The following ARMH4 variants were observed in gnomAD, a reference collection of about 807,000 sequenced individuals.
ARMH4 encodes the protein armadillo-like helical domain-containing protein 4.
In ARMH4, 49 loss-of-function variants were observed where a neutral mutation model predicts 61.9. The ratio of observed to expected loss-of-function variants is 0.79; its 90% CI spans 0.63 to 1.00. The LOEUF (loss-of-function observed/expected upper bound fraction) is 1.00, where lower values mean the gene tolerates loss of function less well. Among genes scored for constraint, ARMH4 ranks in the 50% least tolerant of loss-of-function variants. ARMH4 has a pLI of 0.00. For synonymous variants in ARMH4, 368 were observed against 341.5 expected (o/e 1.08, Z -0.85); for missense variants, 934 against 930.0 (o/e 1.00, Z -0.06).
At chr14:58,090,879 CAAA>C (rs561257563) in intron 5 of ARMH4, among the ~76,000 whole-genome samples, 10 of 59,302 alleles carry the variant, frequency 1.7e-4, no homozygotes, top group Non-Finnish European at 2.7e-4. Flanking sequence ...GACCCTGTCT[CAAA>C]AAAAAAAAAA....
chr14:58,138,873 TTCC>T lies in ARMH4; in HGVS notation c.483_485del (p.Glu162del). 1 of 1,614,160 alleles carries T rather than the reference TTCC, an allele frequency of 6.2e-7. No individual in the cohort carries two copies. The highest frequency in any genetic ancestry group is 8.5e-7 in the Non-Finnish European group (1 of 1,180,034). ...GCTGAAAGTTAGTGCTTGTAAGGAG[TTCC>T]TCCTTTTCATCAACAGTCAGAGAAG... is the stretch of plus-strand genomic sequence containing the variant. On this transcript the variant is annotated inframe_deletion, in exon 2 of 8. Transcript: ENST00000267485.
chr14:58,015,448 T>A (rs1882575778), intron 5 of ARMH4, among the ~76,000 whole-genome samples: 1 of 152,146 alleles, frequency 6.6e-6, no homozygotes, highest in Non-Finnish European at 1.5e-5. Flanking sequence ...TCTAAGAACA[T>A]GAGACCCCGG....
intron 5 of ARMH4, among the ~76,000 whole-genome samples, chr14:58,090,958 G>GTGGGAGC (rs1401486240): frequency 6.6e-6 from 1 of 151,786 alleles, no homozygotes; most frequent in Non-Finnish European, 1.5e-5. Flanking sequence ...GCTCATGCCT[G>GTGGGAGC]TAATCCCAGC....
intron 2 of ARMH4, 59 bp from the exon 3 acceptor site, chr14:58,133,400 A>T (rs1278559725): frequency 6.6e-7 from 1 of 1,515,786 alleles, no homozygotes; most frequent in Non-Finnish European, 8.8e-7. Flanking sequence ...AAAAAAAAAA[A>T]ATCATGATAT....
At chr14:58,111,261 T>C (rs1886344171) in intron 4 of ARMH4, among the ~76,000 whole-genome samples, 1 of 152,148 alleles carries the variant, frequency 6.6e-6, no homozygotes, top group African/African-American at 2.4e-5. Flanking sequence ...GCTGTTTTAG[T>C]ATTCAAAAAC....
intron 1 of ARMH4, among the ~76,000 whole-genome samples, chr14:58,140,639 ACCTGAAATC>A (rs907837653): frequency 3.3e-5 from 5 of 151,742 alleles, no homozygotes; most frequent in Non-Finnish European, 7.4e-5. Flanking sequence ...AGTGGCTCAC[ACCTGAAATC>A]CCAGCACTTT....
chr14:58,124,519 T>C (rs1231335037), intron 4 of ARMH4, among the ~76,000 whole-genome samples: 1 of 152,200 alleles, frequency 6.6e-6, no homozygotes, highest in Admixed American at 6.5e-5. Flanking sequence ...GCATACTGAC[T>C]GCTAAAGGAG....
In ARMH4 at chr14:58,138,472, A is replaced by C; in HGVS notation, c.887T>G (p.Val296Gly). The C allele has an allele frequency of 6.2e-7, 1 of 1,614,192 alleles. No individual in the cohort carries two copies. Among genetic ancestry groups the C allele is most frequent in the Non-Finnish European group, 8.5e-7 (1 of 1,180,028 alleles). ...AACAGCTGTGCTGACACTCACTGTG[A>C]CTTCTGGGGCTCCCAGCAGACTATC... The part of the protein sequence containing the change: ...ETDSLLGAPE[V>G]TVSVSTAVPA... Residue 296 changes from valine to glycine, a missense_variant, in exon 2 of 8, where the codon GTC (valine) becomes GGC (glycine). Coordinates refer to ENST00000267485, the MANE Select transcript of ARMH4 (RefSeq NM_001001872.4).
Position 58,131,708 on chromosome 14 carries a change from T to TGACAC in ARMH4, c.1634_1635insGTGTC (p.Val546CysfsTer18). The TGACAC allele has an allele frequency of 6.2e-7, 1 of 1,612,786 alleles. No individual in the cohort carries two copies. The highest frequency in any genetic ancestry group is 8.5e-7 in the Non-Finnish European group (1 of 1,179,914). On this transcript the variant is annotated frameshift_variant, in exon 4 of 8. Transcript: ENST00000267485. LOFTEE classifies it high-confidence loss of function. ...TGAACTCCTCATTTGGCCCTGTGAC[T>TGACAC]GTGTCCATTTGTTCTGCCAAACACA... is the stretch of plus-strand genomic sequence containing the variant.
intron 3 of ARMH4, among the ~76,000 whole-genome samples, 162 bp downstream of exon 3, chr14:58,132,928 A>T (rs529796652): frequency 1.3e-5 from 2 of 152,196 alleles, no homozygotes; most frequent in Non-Finnish European, 2.9e-5. Context: ...TTCAAACAGG[A>T]CAGAGCTCAC....
intron 5 of ARMH4, among the ~76,000 whole-genome samples, chr14:58,052,889 A>G (rs1262656866): frequency 1.3e-5 from 2 of 150,620 alleles, no homozygotes; most frequent in East Asian, 2.0e-4. Context: ...CCCCACCCCT[A>G]CTCTTCCCCT....
At chr14:58,058,617 T>C (rs754856066) in intron 5 of ARMH4, among the ~76,000 whole-genome samples, 14 of 152,138 alleles carry the variant, frequency 9.2e-5, no homozygotes, top group Non-Finnish European at 1.9e-4. Context: ...GGTGGGAGTG[T>C]CTTTTAGCAT....
intron 4 of ARMH4, among the ~76,000 whole-genome samples, chr14:58,114,511 C>T (rs1255663481): frequency 6.6e-6 from 1 of 152,112 alleles, no homozygotes; most frequent in Non-Finnish European, 1.5e-5. Flanking sequence ...AGTCATTTTG[C>T]TATGTCAAGA....
At chr14:58,030,841 A>G (rs1883203041) in intron 5 of ARMH4, among the ~76,000 whole-genome samples, 1 of 152,194 alleles carries the variant, frequency 6.6e-6, no homozygotes, top group African/African-American at 2.4e-5. Context: ...TGGATGAATA[A>G]TATTCCTCTA....
intron 5 of ARMH4, among the ~76,000 whole-genome samples, chr14:58,017,360 A>G (rs574417403): frequency 6.6e-6 from 1 of 152,316 alleles, no homozygotes; most frequent in African/African-American, 2.4e-5. Flanking sequence ...TGCAGATGAC[A>G]TAATCTTATT....
intron 4 of ARMH4, chr14:58,100,922 G>A (rs1022614245): frequency 6.5e-6 from 1 of 153,782 alleles, no homozygotes; most frequent in African/African-American, 2.4e-5. Context: ...GTGATGACGT[G>A]GGGCCTCCAT....
chr14:58,099,830 C>T (rs1178369290), intron 4 of ARMH4, among the ~76,000 whole-genome samples: 1 of 152,170 alleles, frequency 6.6e-6, no homozygotes, highest in Non-Finnish European at 1.5e-5. Context: ...CATGCATAGA[C>T]TCTGAAGCCA....
intron 4 of ARMH4, among the ~76,000 whole-genome samples, chr14:58,106,427 A>C (rs1886167978): frequency 6.6e-6 from 1 of 152,256 alleles, no homozygotes; most frequent in Non-Finnish European, 1.5e-5. Context: ...GCTTGAGGTG[A>C]ACTGAAACAG....
chr14:58,101,837 CTG>C (rs1326299901), intron 4 of ARMH4, among the ~76,000 whole-genome samples: 2 of 152,092 alleles, frequency 1.3e-5, no homozygotes, highest in Middle Eastern at 3.4e-3. Flanking sequence ...GGTGATGAAA[CTG>C]TTTTAAAATA....
Sources: allele counts gnomAD v4.1 joint callset (sites outside exome capture counted in the v4.1 genomes callset), GRCh38; gene constraint gnomAD v4.1.1; transcripts MANE v1.5; gene names NCBI Gene and HGNC (gene_info 2026-07-23, HGNC 2026-07-21).